ZNF639: variants seen among roughly 807,000 people sequenced by gnomAD.
The protein encoded by ZNF639 is zinc finger protein 639.
Under a neutral mutation model 39.8 loss-of-function variants are expected in ZNF639, and 20 were observed. That is an observed-to-expected ratio of 0.50 (90% CI 0.35 to 0.73). The LOEUF is 0.73. Ranked by LOEUF, ZNF639 falls within the 30% of genes least tolerant of loss-of-function variation. The pLI is 0.00. For synonymous variants in ZNF639, 176 were observed against 189.8 expected (o/e 0.93, Z 0.60); for missense variants, 477 against 566.2 (o/e 0.84, Z 1.60).
chr3:179,327,628 C>T lies in ZNF639; in HGVS notation c.-15C>T, dbSNP rs1262208162. On this transcript the variant is annotated 5_prime_UTR_variant, in exon 2 of 6. Transcript: ENST00000496856. Reference sequence around the variant, plus strand: ...CCTCACTCCAGTAGTAAGAATTATACCAAGTAAGTGGACTGTATTGAAACT... The same window carrying T: ...CCTCACTCCAGTAGTAAGAATTATATCAAGTAAGTGGACTGTATTGAAACT... 2.0e-5 allele frequency: 3 copies of T among 152,084 alleles called. No homozygotes were observed. Among genetic ancestry groups the T allele is most frequent in the Non-Finnish European group, 2.9e-5 (2 of 68,014 alleles). The allele number at this position is 152,084 out of a possible 1,614,324, so 9.4% of individuals were successfully genotyped here.
At chr3:179,329,420 G>A (rs1245694094) in intron 3 of ZNF639, among the ~76,000 whole-genome samples, 198 bp from the exon 4 acceptor site, 1 of 152,176 alleles carries the variant, frequency 6.6e-6, no homozygotes, top group Non-Finnish European at 1.5e-5. Context: ...TTTAGAGTAT[G>A]TAATTTGTGG....
intron 1 of ZNF639, chr3:179,323,819 C>CTGAG (rs1157868785): frequency 1.2e-4 from 18 of 151,876 alleles, no homozygotes; most frequent in African/African-American, 4.4e-4. Context: ...AGCCTCCAGC[C>CTGAG]TGAGAGTCGC....
intron 2 of ZNF639, 179 bp from the exon 3 acceptor site, chr3:179,328,104 C>T (rs1727698817): frequency 2.3e-6 from 1 of 431,888 alleles, no homozygotes; most frequent in Non-Finnish European, 4.1e-6. Flanking sequence ...GCCTTGAAAC[C>T]TGACTGGAAA....
At position 179,323,249 on chromosome 3, in the gene ZNF639, G is replaced by A; in HGVS notation, c.-125G>A. The A allele has an allele frequency of 4.1e-6, 4 of 985,340 alleles. No individual in the cohort carries two copies. The highest frequency in any genetic ancestry group is 4.8e-6 in the Non-Finnish European group (4 of 830,014). The allele number at this position is 985,340 out of a possible 1,614,324, so 61.0% of individuals were successfully genotyped here. A position where few individuals can be genotyped will look rare whatever the true frequency, so the allele number is the denominator to read the frequency against. ...TCCGCCTGCGCTCTCGGCCGCCGCCGCCTCTGCGTGGGCCGGCCGGGAGGG... is the reference window on the plus strand; with the variant it reads ...TCCGCCTGCGCTCTCGGCCGCCGCCACCTCTGCGTGGGCCGGCCGGGAGGG... On this transcript the variant is annotated 5_prime_UTR_variant, in exon 1 of 6. Transcript: ENST00000496856.
At chr3:179,329,850 G>C in intron 4 of ZNF639, 122 bp downstream of exon 4, 2 of 409,092 alleles carry the variant, frequency 4.9e-6, no homozygotes, top group East Asian at 8.1e-5. Flanking sequence ...TTTGAAATTT[G>C]TTACAATGTA....
In ZNF639 at chr3:179,333,358, G is replaced by A; in HGVS notation, c.394G>A (p.Val132Ile). The change falls in exon 6 of 6, where the codon GTT becomes ATT. Residue 132 changes from valine to isoleucine, a missense_variant. By Grantham distance (29) the Val-to-Ile change is conservative. Coordinates refer to ENST00000496856, the MANE Select transcript of ZNF639 (RefSeq NM_001303426.2). ...AACCCAAGAGGAGAGTCCTATAGAAGTTCACACTGCTGAAGATGTTCCAAT... is the reference window on the plus strand; with the variant it reads ...AACCCAAGAGGAGAGTCCTATAGAAATTCACACTGCTGAAGATGTTCCAAT... ...QQTQEESPIE[V>I]HTAEDVPIAV... 1 of 1,614,128 alleles carries A rather than the reference G, an allele frequency of 6.2e-7. No individual in the cohort carries two copies. The highest frequency in any genetic ancestry group is 1.3e-5 in the African/African-American group (1 of 75,030).
At chr3:179,326,552 T>G (rs752368215) in intron 1 of ZNF639, among the ~76,000 whole-genome samples, 10 of 152,200 alleles carry the variant, frequency 6.6e-5, no homozygotes, top group Admixed American at 1.3e-4. Context: ...ATAAAGTATG[T>G]TCACAGCCTG....
intron 4 of ZNF639, among the ~76,000 whole-genome samples, chr3:179,330,439 T>C (rs1478030551): frequency 6.6e-6 from 1 of 152,158 alleles, no homozygotes; most frequent in Non-Finnish European, 1.5e-5. Context: ...TGCACCACGA[T>C]GCCTGGCTAA....
chr3:179,331,383 T>G (rs576649386), intron 4 of ZNF639, among the ~76,000 whole-genome samples: 1 of 152,364 alleles, frequency 6.6e-6, no homozygotes, highest in Admixed American at 6.5e-5. Flanking sequence ...AAATTATTTA[T>G]GTAGCTACTC....
chr3:179,329,631 AAGC>A lies in ZNF639; in HGVS notation c.75_77del (p.Ser25del). 1 of 1,600,604 alleles carries A rather than the reference AAGC, an allele frequency of 6.2e-7. No homozygotes were observed. The highest frequency in any genetic ancestry group is 1.3e-5 in the African/African-American group (1 of 74,730). On this transcript the variant is annotated inframe_deletion, in exon 4 of 6. Coordinates refer to ENST00000496856, the MANE Select transcript of ZNF639 (RefSeq NM_001303426.2). ...TTTTATGTTCAGATTCCTCTGGAAT[AAGC>A]AGAATTGCAGATGGATTCAATGGAA...
chr3:179,329,648 G>A lies in ZNF639; in HGVS notation c.89G>A (p.Gly30Glu). Residue 30 changes from glycine to glutamate, a missense_variant, in exon 4 of 6, where the codon GGA becomes GAA. By Grantham distance (98) the Gly-to-Glu change is moderately conservative (BLOSUM62 -2). Transcript: ENST00000496856. ...TCTGGAATAAGCAGAATTGCAGATG[G>A]ATTCAATGGAATTTTCTCTGATCAT... The part of the protein sequence containing the change: ...DSSGISRIAD[G>E]FNGIFSDHCY... 1 of 1,608,262 alleles carries A rather than the reference G, an allele frequency of 6.2e-7. No homozygotes were observed. Among genetic ancestry groups the A allele is most frequent in the Non-Finnish European group, 8.5e-7 (1 of 1,177,018 alleles).
chr3:179,334,159 A>G lies in ZNF639; in HGVS notation c.1195A>G (p.Lys399Glu). 1.2e-6 allele frequency: 2 copies of G among 1,614,176 alleles called. No homozygotes were observed. Among genetic ancestry groups the G allele is most frequent in the Non-Finnish European group, 1.7e-6 (2 of 1,180,006 alleles). Residue 399 changes from lysine to glutamate, a missense_variant, in exon 6 of 6, where the codon AAA (lysine) becomes GAA (glutamate). Transcript: ENST00000496856. ...VNRHVAIEHT[K>E]IFPHVCDDCG... ...CAGGCATGTTGCTATTGAACATACA[A>G]AAATTTTTCCTCATGTTTGTGATGA... is the stretch of plus-strand genomic sequence containing the variant.
chr3:179,324,136 CT>C (rs919206291), intron 1 of ZNF639, among the ~76,000 whole-genome samples: 2 of 152,104 alleles, frequency 1.3e-5, no homozygotes, highest in Admixed American at 6.5e-5. Flanking sequence ...AAGCTTAACT[CT>C]TTTTAAACTC....
In ZNF639 at chr3:179,334,343, A is replaced by C; in HGVS notation, c.1379A>C (p.His460Pro). Residue 460 changes from histidine to proline, a missense_variant, in exon 6 of 6, where the codon CAT becomes CCT. Coordinates refer to ENST00000496856, the MANE Select transcript of ZNF639 (RefSeq NM_001303426.2). ...LDFKHSADLP[H>P]KCSDCLMRFG... is the part of the protein sequence containing the mutation. The stretch of plus-strand genomic sequence containing the variant: ...TTCAAGCATTCAGCTGACTTGCCTC[A>C]TAAATGTAGTGACTGCTTGATGAGG... 2 of 1,610,822 alleles carry C rather than the reference A, an allele frequency of 1.2e-6. No individual in the cohort carries two copies. Among genetic ancestry groups the C allele is most frequent in the Non-Finnish European group, 1.7e-6 (2 of 1,178,852 alleles).
Position 179,333,666 on chromosome 3 carries a change from G to A in ZNF639, c.702G>A (p.Val234=), listed in dbSNP as rs1274098706. 9 of 1,614,152 alleles carry A rather than the reference G, an allele frequency of 5.6e-6. No individual in the cohort carries two copies. The highest frequency in any genetic ancestry group is 1.6e-4 in the Middle Eastern group (1 of 6,062). ...AGCATAAACGTACTGATTCAAATGTGTGTCGAGTATGCAAGGAAAGTTTCT... is the reference window on the plus strand; with the variant it reads ...AGCATAAACGTACTGATTCAAATGTATGTCGAGTATGCAAGGAAAGTTTCT... ...ILKHKRTDSN[V]CRVCKESFST... Residue 234 remains valine, a synonymous_variant, in exon 6 of 6, where the codon GTG becomes GTA. Transcript: ENST00000496856.
rs1337234665 is a variant in ZNF639 at position 179,338,226 on chromosome 3, C to T, written c.*3804C>T. 1 of 152,206 alleles carries T rather than the reference C, an allele frequency of 6.6e-6. No individual in the cohort carries two copies. The allele number at this position is 152,206 out of a possible 1,614,324, so 9.4% of individuals were successfully genotyped here. ...ACAATTCAAGTCTGAGATTACCTAA[C>T]TGATGATGTTTATTAACACTTCAGT... is the stretch of plus-strand genomic sequence containing the variant. On this transcript the variant is annotated 3_prime_UTR_variant, in exon 6 of 6. Coordinates refer to ENST00000496856, the MANE Select transcript of ZNF639 (RefSeq NM_001303426.2).
At chr3:179,325,456 T>A (rs1438662315) in intron 1 of ZNF639, 2 of 152,274 alleles carry the variant, frequency 1.3e-5, no homozygotes, top group Non-Finnish European at 2.9e-5. Context: ...TCATCTCTGG[T>A]TCTCCCACTT....
Position 179,323,209 on chromosome 3 carries a change from G to A in ZNF639, c.-165G>A, listed in dbSNP as rs1040072165. ...GCCCGCCGCCGTGCGTCCGCGGGAA[G>A]GACCGCGCGGCCCCTCCGCCTGCGC... is the stretch of plus-strand genomic sequence containing the variant. On this transcript the variant is annotated 5_prime_UTR_variant, in exon 1 of 6. Transcript: ENST00000496856. 1.0e-6 allele frequency: 1 copy of A among 984,994 alleles called. No homozygotes were observed. The highest frequency in any genetic ancestry group is 1.2e-6 in the Non-Finnish European group (1 of 829,930). 61.0% of individuals were successfully genotyped at this position (984,994 alleles called of 1,614,324 possible). A position where few individuals can be genotyped will look rare whatever the true frequency, so the allele number is the denominator to read the frequency against.
At chr3:179,330,945 T>A (rs1467323839) in intron 4 of ZNF639, among the ~76,000 whole-genome samples, 2 of 152,216 alleles carry the variant, frequency 1.3e-5, no homozygotes, top group East Asian at 3.8e-4. Context: ...CACTTTGCTG[T>A]GTTAGCTGAG....
Sources: allele counts gnomAD v4.1 joint callset (sites outside exome capture counted in the v4.1 genomes callset), GRCh38; gene constraint gnomAD v4.1.1; transcripts MANE v1.5; gene names NCBI Gene and HGNC (gene_info 2026-07-23, HGNC 2026-07-21).